NXN: variants seen among roughly 807,000 people sequenced by gnomAD.
NXN encodes the protein nucleoredoxin 1.
NXN carries 16 observed loss-of-function variants against 48.6 expected under a neutral mutation model. The observed-to-expected ratio is 0.33, with a 90% CI of 0.22 to 0.50. NXN has a LOEUF of 0.50. Among genes scored for constraint, NXN ranks in the 20% least tolerant of loss-of-function variants. The pLI is 0.98. For missense variants in NXN, 492 were observed against 605.5 expected (o/e 0.81, Z 1.97); for synonymous variants, 281 against 269.6 (o/e 1.04, Z -0.41).
Position 979,439 on chromosome 17 carries a change from G to C in NXN, c.240C>G (p.Pro80=). ...PGAGAGAAAE[P]EPRRRLEIVF... is the part of the protein sequence containing the mutation. ...CGATCTCCAGGCGCCGCCGCGGCTC[G>C]GGCTCCGCCGCCGCCCCGGCCCCCG... Residue 80 remains proline (P), a synonymous_variant, in exon 1 of 8, where the codon CCC becomes CCG. Transcript: ENST00000336868. 3 of 1,282,544 alleles carry C rather than the reference G, an allele frequency of 2.3e-6. 1 individual carries two copies. Among genetic ancestry groups the C allele is most frequent in the South Asian group, 4.0e-5 (2 of 50,060 alleles). The allele number at this position is 1,282,544 out of a possible 1,614,324, so 79.4% of individuals were successfully genotyped here. A position where few individuals can be genotyped will look rare whatever the true frequency, so the allele number is the denominator to read the frequency against.
chr17:874,874 G>A (rs2068197338), intron 1 of NXN, among the ~76,000 whole-genome samples: 1 of 152,182 alleles, frequency 6.6e-6, no homozygotes, highest in African/African-American at 2.4e-5. Context: ...TCTGTTACAG[G>A]TGAATAAATA....
intron 1 of NXN, among the ~76,000 whole-genome samples, chr17:931,528 CAT>C (rs930953334): frequency 2.2e-4 from 34 of 151,850 alleles, no homozygotes; most frequent in South Asian, 2.1e-3. Context: ...GCCATAAGCA[CAT>C]GTTATTTATT....
intron 1 of NXN, among the ~76,000 whole-genome samples, chr17:929,175 C>T (rs983297798): frequency 3.9e-5 from 6 of 152,230 alleles, no homozygotes; most frequent in East Asian, 1.9e-4. Flanking sequence ...GCCTTCATTA[C>T]GGCAACAGGC....
chr17:873,949 T>C (rs985230452), intron 1 of NXN, among the ~76,000 whole-genome samples: 5 of 152,148 alleles, frequency 3.3e-5, no homozygotes, highest in African/African-American at 9.7e-5. Flanking sequence ...CATGGTCTTT[T>C]TCCAGCATCT....
chr17:948,097 G>A (rs1337701310), intron 1 of NXN, among the ~76,000 whole-genome samples: 1 of 151,810 alleles, frequency 6.6e-6, no homozygotes, highest in Non-Finnish European at 1.5e-5. Context: ...TTAAAAAAAT[G>A]TAAAAATACA....
chr17:972,161 G>A (rs751705137), intron 1 of NXN, among the ~76,000 whole-genome samples: 66 of 152,316 alleles, frequency 4.3e-4, no homozygotes, highest in East Asian at 3.9e-4. Context: ...TTAGCCGGGC[G>A]TGGTGGCACA....
chr17:962,211 A>G (rs1330840341), intron 1 of NXN, among the ~76,000 whole-genome samples: 1 of 152,180 alleles, frequency 6.6e-6, no homozygotes, highest in Non-Finnish European at 1.5e-5. Context: ...GACTTTTGAC[A>G]TCATATTTGT....
At chr17:948,223 T>C (rs1305003683) in intron 1 of NXN, among the ~76,000 whole-genome samples, 1 of 152,132 alleles carries the variant, frequency 6.6e-6, no homozygotes. Flanking sequence ...TAGAGGTAAT[T>C]TACAGTACAC....
chr17:957,589 G>A (rs1377229253), intron 1 of NXN, among the ~76,000 whole-genome samples: 1 of 149,982 alleles, frequency 6.7e-6, no homozygotes, highest in Non-Finnish European at 1.5e-5. Flanking sequence ...CCAAGATCAA[G>A]CCACTGCACT....
At chr17:961,809 T>C (rs765664698) in intron 1 of NXN, among the ~76,000 whole-genome samples, 3 of 152,224 alleles carry the variant, frequency 2.0e-5, no homozygotes, top group Non-Finnish European at 2.9e-5. Context: ...AAATGAATTA[T>C]AAATTTTCTC....
intron 3 of NXN, 32 bp from the exon 4 acceptor site, chr17:822,489 C>T: frequency 6.6e-7 from 1 of 1,517,038 alleles, no homozygotes; most frequent in Non-Finnish European, 9.1e-7. Flanking sequence ...CCCGCTGCGT[C>T]ACGCTGCTTC....
intron 1 of NXN, chr17:896,855 C>CCGGGGGGGGGGGGGGGGGGGG: frequency 1.8e-6 from 2 of 1,102,004 alleles, no homozygotes; most frequent in South Asian, 1.4e-5. Flanking sequence ...GCGGTCCTGA[C>CCGGGGGGGGGGGGGGGGGGGG]CACCCGCCCC....
rs181632006 is a variant in NXN at position 924,496 on chromosome 17, C to T, written c.360+54823G>A. Among the ~76,000 whole-genome samples, 401 of 152,326 alleles carry T rather than the reference C, an allele frequency of 2.6e-3. 2 individuals carry two copies. The highest frequency in any genetic ancestry group is 0.014 in the Middle Eastern group (4 of 294). On this transcript the variant is annotated intron_variant, in intron 1 of 7. Transcript: ENST00000336868. ...AGGTGATCCGCCCACCTCGGCCTCC[C>T]GAAGTGCTAGGATTACAGGGATGAG...
intron 1 of NXN, chr17:896,946 C>T: frequency 8.2e-7 from 1 of 1,226,416 alleles, no homozygotes; most frequent in South Asian, 1.4e-5. Flanking sequence ...AAGCCAGTCC[C>T]CTCCTAGGCC....
At chr17:882,460 G>GTTTGT (rs140223930) in intron 1 of NXN, among the ~76,000 whole-genome samples, 142,566 of 151,200 alleles carry the variant, frequency 0.94, 67,363 homozygotes, top group Middle Eastern at 0.98. Context: ...GGTTTCTTTT[G>GTTTGT]TTTGTTTTGT....
At chr17:888,646 A>C (rs1465471584) in intron 1 of NXN, among the ~76,000 whole-genome samples, 2 of 151,960 alleles carry the variant, frequency 1.3e-5, no homozygotes, top group Admixed American at 1.3e-4. Flanking sequence ...TTCTAGATGC[A>C]TCAGAACTTA....
intron 1 of NXN, among the ~76,000 whole-genome samples, chr17:935,681 A>C (rs1047221958): frequency 6.6e-6 from 1 of 152,204 alleles, no homozygotes; most frequent in Admixed American, 6.5e-5. Flanking sequence ...GCTTGCTCTG[A>C]GAGCTGGGAG....
chr17:877,159 T>G (rs1217663597), intron 1 of NXN, among the ~76,000 whole-genome samples: 1 of 151,790 alleles, frequency 6.6e-6, no homozygotes, highest in African/African-American at 2.4e-5. Flanking sequence ...GGTGTTGTTT[T>G]TTTTTGGAGA....
At chr17:877,585 T>C (rs1346887976) in intron 1 of NXN, among the ~76,000 whole-genome samples, 4 of 152,098 alleles carry the variant, frequency 2.6e-5, no homozygotes, top group East Asian at 1.9e-4. Flanking sequence ...CCCAGCCCCA[T>C]ACGGAAGACG....
Sources: gnomAD v4.1 joint callset for allele counts (sites outside exome capture counted in the v4.1 genomes callset) on GRCh38, gnomAD v4.1.1 for gene constraint, MANE v1.5 for transcripts, NCBI Gene and HGNC (gene_info 2026-07-23, HGNC 2026-07-21) for gene names.